SPICE1: variants seen among roughly 807,000 people sequenced by gnomAD.
SPICE1 encodes the protein spindle and centriole-associated protein 1.
In SPICE1, 75 loss-of-function variants were observed where a neutral mutation model predicts 102.7. That is an observed-to-expected ratio of 0.73 (90% confidence interval 0.61 to 0.88). The LOEUF (loss-of-function observed/expected upper bound fraction) is 0.88, where lower values mean the gene tolerates loss of function less well. SPICE1 is among the 40% of genes least tolerant of loss of function. The pLI is 0.00. For synonymous variants in SPICE1, 308 were observed against 350.3 expected (o/e 0.88, Z 1.35); for missense variants, 979 against 1,020.1 (o/e 0.96, Z 0.55).
At chr3:113,505,507 A>C (rs542710752) in intron 2 of SPICE1, among the ~76,000 whole-genome samples, 1 of 152,270 alleles carries the variant, frequency 6.6e-6, no homozygotes, top group Admixed American at 6.5e-5. Context: ...CCAAGTCCAA[A>C]AGAATCCCTG....
intron 1 of SPICE1, among the ~76,000 whole-genome samples, chr3:113,510,518 G>C (rs1349996739): frequency 1.3e-5 from 2 of 152,220 alleles, no homozygotes; most frequent in South Asian, 2.1e-4. Flanking sequence ...ACAAGCAATG[G>C]GGAAAGGATT....
chr3:113,475,230 C>A (rs1936312497), intron 7 of SPICE1, among the ~76,000 whole-genome samples: 2 of 152,112 alleles, frequency 1.3e-5, no homozygotes, highest in Non-Finnish European at 2.9e-5. Flanking sequence ...CAAGACTAAA[C>A]CAGGAAGAAG....
At chr3:113,485,004 G>C (rs1936610234) in intron 7 of SPICE1, among the ~76,000 whole-genome samples, 1 of 151,996 alleles carries the variant, frequency 6.6e-6, no homozygotes, top group Admixed American at 6.6e-5. Context: ...AGGAGGGACT[G>C]AGCCTGAGGA....
chr3:113,459,557 T>G, intron 12 of SPICE1: 2 of 985,350 alleles, frequency 2.0e-6, no homozygotes, highest in Non-Finnish European at 2.4e-6. Flanking sequence ...CAGATAATAG[T>G]AAAACACTAA....
At chr3:113,457,772 C>T (rs1048751224) in intron 12 of SPICE1, among the ~76,000 whole-genome samples, 12 of 152,184 alleles carry the variant, frequency 7.9e-5, no homozygotes, top group African/African-American at 2.7e-4. Flanking sequence ...GATCTTCCCA[C>T]CTCAGCCTCC....
At chr3:113,480,818 C>G (rs1003198796) in intron 7 of SPICE1, among the ~76,000 whole-genome samples, 1 of 151,068 alleles carries the variant, frequency 6.6e-6, no homozygotes, top group East Asian at 1.9e-4. Context: ...GAGAGGATTA[C>G]CTGAGCTGTG....
In SPICE1 at chr3:113,457,420, G is replaced by A. The variant is rs1576623977; in HGVS notation, c.1436-63C>T. The A allele has an allele frequency of 3.4e-5, 51 of 1,521,560 alleles. 1 individual carries two copies. In the South Asian group the frequency reaches 5.8e-4, roughly 17 times the overall value. The allele number at this position is 1,521,560 out of a possible 1,614,324, so 94.3% of individuals were successfully genotyped here. Reference sequence around the variant, plus strand: ...AAAAGAAACTATGAGCACATTTCAGGTATTTATTCTTAAATGCATCTCAGT... The same window carrying A: ...AAAAGAAACTATGAGCACATTTCAGATATTTATTCTTAAATGCATCTCAGT... On this transcript the variant is annotated intron_variant, in intron 12 of 17. Coordinates refer to ENST00000295872, the MANE Select transcript of SPICE1 (RefSeq NM_144718.4).
Position 113,453,666 on chromosome 3 carries a change from G to C in SPICE1, c.1942C>G (p.Pro648Ala), listed in dbSNP as rs764542759. 66 of 1,613,880 alleles carry C rather than the reference G, an allele frequency of 4.1e-5. No individual in the cohort carries two copies. The highest frequency in any genetic ancestry group is 5.4e-5 in the Non-Finnish European group (64 of 1,180,008). The change falls in exon 14 of 18, where the codon CCA becomes GCA. Residue 648 changes from proline to alanine, a missense_variant. By Grantham distance (27) the Pro-to-Ala change is conservative (BLOSUM62 -1). Coordinates refer to ENST00000295872, the MANE Select transcript of SPICE1 (RefSeq NM_144718.4). ...AGCTGCTGCCCATCTCCCAGTACTG[G>C]GAGCTCTTCTGAGAATGTGGGGCTT... The part of the protein sequence containing the change: ...SRSPTFSEEL[P>A]VLGDGQQLRT...
At chr3:113,464,281 G>C (rs1171941977) in intron 11 of SPICE1, among the ~76,000 whole-genome samples, 1 of 149,222 alleles carries the variant, frequency 6.7e-6, no homozygotes, top group Non-Finnish European at 1.5e-5. Flanking sequence ...TTTAGAGACA[G>C]GGTCTCACTC....
chr3:113,457,630 T>A (rs1473916677), intron 12 of SPICE1, among the ~76,000 whole-genome samples: 1 of 152,146 alleles, frequency 6.6e-6, no homozygotes, highest in Admixed American at 6.5e-5. Context: ...TCCTAAAAAA[T>A]CCTATGTGGC....
chr3:113,503,094 T>C, intron 3 of SPICE1, 86 bp downstream of exon 3: 2 of 1,353,128 alleles, frequency 1.5e-6, no homozygotes, highest in East Asian at 2.4e-5. Context: ...TTCCAGGAAG[T>C]GCCTATAGTT....
chr3:113,486,069 A>T (rs1936639554), intron 7 of SPICE1, among the ~76,000 whole-genome samples: 2 of 151,802 alleles, frequency 1.3e-5, no homozygotes, highest in South Asian at 2.1e-4. Flanking sequence ...CAAGATGGCG[A>T]CACTGCACTC....
chr3:113,503,739 C>T (rs371114045), intron 2 of SPICE1, among the ~76,000 whole-genome samples: 2 of 152,044 alleles, frequency 1.3e-5, no homozygotes, highest in African/African-American at 4.8e-5. Context: ...TCGAGAACAG[C>T]CAGGCCAACA....
chr3:113,445,402 A>G, intron 17 of SPICE1, 42 bp from the exon 18 acceptor site: 2 of 1,537,680 alleles, frequency 1.3e-6, no homozygotes, highest in Non-Finnish European at 1.8e-6. Flanking sequence ...TGGTAATTAG[A>G]AACATGAGAC....
At chr3:113,489,095 G>A (rs1194561923) in intron 6 of SPICE1, 32 bp from the exon 7 acceptor site, 2 of 1,345,284 alleles carry the variant, frequency 1.5e-6, no homozygotes, top group East Asian at 2.3e-5. Flanking sequence ...AATAGCACAA[G>A]TTGATTATAT....
intron 17 of SPICE1, 103 bp downstream of exon 17, chr3:113,446,486 G>C: frequency 1.1e-6 from 1 of 878,508 alleles, no homozygotes; most frequent in Non-Finnish European, 1.8e-6. Context: ...TATCATACCA[G>C]CTTTAGGATA....
At chr3:113,448,702 A>C (rs1373752509) in intron 15 of SPICE1, 3 of 152,196 alleles carry the variant, frequency 2.0e-5, no homozygotes, top group African/African-American at 7.2e-5. Flanking sequence ...CTAATGAAAG[A>C]CTTAATGTTC....
At chr3:113,449,960 T>C (rs1935606848) in intron 15 of SPICE1, 1 of 172,902 alleles carries the variant, frequency 5.8e-6, no homozygotes, top group Admixed American at 5.8e-5. Flanking sequence ...GTTTTAAGTG[T>C]TTTACAGAAT....
In SPICE1 at chr3:113,448,056, C is replaced by T. The variant is rs1174641369; in HGVS notation, c.2408G>A (p.Ser803Asn). The T allele has an allele frequency of 1.9e-6, 3 of 1,607,840 alleles. No individual in the cohort carries two copies. Among genetic ancestry groups the T allele is most frequent in the Admixed American group, 1.7e-5 (1 of 59,594 alleles). The stretch of plus-strand genomic sequence containing the variant: ...AACTTACCTTCTTGTATTTATCCCG[C>T]TGACGGGAGAGACAGTACTACATTT... The part of the protein sequence containing the change: ...SSKCSTVSPV[S>N]GINTRRSSGA... Residue 803 changes from serine to asparagine, a missense_variant, in exon 16 of 18, where the codon AGC becomes AAC. Ser to Asn is a conservative substitution (Grantham distance 46). Coordinates refer to ENST00000295872, the MANE Select transcript of SPICE1 (RefSeq NM_144718.4).
Sources: gnomAD v4.1 joint callset for allele counts (sites outside exome capture counted in the v4.1 genomes callset) on GRCh38, gnomAD v4.1.1 for gene constraint, MANE v1.5 for transcripts, NCBI Gene and HGNC (gene_info 2026-07-23, HGNC 2026-07-21) for gene names.